The following MTCL1 variants were observed in gnomAD, a reference collection of about 807,000 sequenced individuals.
MTCL1 encodes microtubule crosslinking factor 1.
Under a neutral mutation model 141.4 loss-of-function variants are expected in MTCL1, and 79 were observed. The observed-to-expected ratio is 0.56, with a 90% CI of 0.47 to 0.67. The LOEUF (loss-of-function observed/expected upper bound fraction) is 0.67. MTCL1 is among the 30% of genes least tolerant of loss of function. The pLI, the probability that MTCL1 is intolerant of heterozygous loss-of-function variation, is 0.00. For synonymous variants in MTCL1, 914 were observed against 875.8 expected, an observed-to-expected ratio of 1.04 and a Z score of -0.77; for missense variants, 2,177 against 2,113.9, an observed-to-expected ratio of 1.03 and a Z score of -0.59.
chr18:8,764,909 C>G (rs1341817532), intron 4 of MTCL1, among the ~76,000 whole-genome samples: 1 of 152,182 alleles, frequency 6.6e-6, no homozygotes, highest in Non-Finnish European at 1.5e-5. Flanking sequence ...ACACAGTTAA[C>G]TCTGAGAGGC....
chr18:8,707,090 T>G, intron 1 of MTCL1: 1 of 173,936 alleles, frequency 5.7e-6, no homozygotes, highest in Non-Finnish European at 1.2e-5. Context: ...AGGTGATCCT[T>G]CGCCAGGGAG....
At chr18:8,766,118 A>G (rs1445770824) in intron 4 of MTCL1, among the ~76,000 whole-genome samples, 2 of 151,718 alleles carry the variant, frequency 1.3e-5, no homozygotes, top group Non-Finnish European at 3.0e-5. Context: ...CTGGTCATAG[A>G]TTGGTGTCAT....
Position 8,830,017 on chromosome 18 carries a change from C to T in MTCL1, c.*18+1053C>T, listed in dbSNP as rs1253933466. 1 of 985,526 alleles carries T rather than the reference C, an allele frequency of 1.0e-6. No homozygotes were observed. Among genetic ancestry groups the T allele is most frequent in the Non-Finnish European group, 1.2e-6 (1 of 830,030 alleles). 61.0% of individuals were successfully genotyped at this position (985,526 alleles called of 1,614,324 possible). ...ACGGTGGTGTCAGATAAACCTATGA[C>T]AGCAGCTTCACCAACACACAACACA... On this transcript the variant is annotated intron_variant, in intron 16 of 16. Transcript: ENST00000359865. The surrounding 1 kb of genome is among the most constrained non-coding windows in gnomAD (Gnocchi z 6.4).
upstream of MTCL1, chr18:8,717,336 G>A (rs666299): frequency 0.99 from 150,314 of 152,366 alleles, 74,160 homozygotes; most frequent in Middle Eastern, 1. Flanking sequence ...GTCAGATTAT[G>A]TGATGGAATG....
intron 4 of MTCL1, among the ~76,000 whole-genome samples, chr18:8,758,395 T>C (rs2096413568): frequency 2.0e-5 from 3 of 152,224 alleles, no homozygotes; most frequent in African/African-American, 4.8e-5. Context: ...CATCTAGTCA[T>C]GGCTCACTCC....
intron 4 of MTCL1, among the ~76,000 whole-genome samples, chr18:8,752,685 T>C (rs1041017364): frequency 6.6e-5 from 10 of 152,206 alleles, no homozygotes; most frequent in African/African-American, 2.2e-4. Flanking sequence ...TTGAAAAATA[T>C]TGTCATAAAG....
chr18:8,824,929 G>C lies in MTCL1; in HGVS notation c.3419G>C (p.Arg1140Pro), dbSNP rs376123444. 7.4e-6 allele frequency: 12 copies of C among 1,613,736 alleles called. No homozygotes were observed. The highest frequency in any genetic ancestry group is 4.5e-5 in the East Asian group (2 of 44,882). ...TGGGCCGACAGGACCGAGGTGGGGC[G>C]GGCAGGGCACGAGGACAGCACAGAG... The change falls in exon 15 of 17, where the codon CGG becomes CCG. Residue 1140 changes from arginine to proline, a missense_variant. Arg to Pro is a moderately radical substitution (Grantham distance 103). Coordinates refer to ENST00000359865, the Ensembl canonical transcript of MTCL1.
intron 4 of MTCL1, among the ~76,000 whole-genome samples, chr18:8,758,094 G>A (rs2096411663): frequency 1.3e-5 from 2 of 149,334 alleles, no homozygotes; most frequent in African/African-American, 2.5e-5. Flanking sequence ...GCGCGATCTC[G>A]GCTCACAGCA....
chr18:8,757,597 A>G (rs2096408588), intron 4 of MTCL1, among the ~76,000 whole-genome samples: 1 of 152,244 alleles, frequency 6.6e-6, no homozygotes, highest in South Asian at 2.1e-4. Context: ...AGACCCCGGC[A>G]GGGATCTAGA....
intron 4 of MTCL1, among the ~76,000 whole-genome samples, chr18:8,729,356 A>AT (rs944681283): frequency 2.0e-5 from 3 of 151,312 alleles, no homozygotes; most frequent in Non-Finnish European, 4.4e-5. Context: ...CCTGTTATAT[A>AT]TTTTTTTTCA....
intron 4 of MTCL1, among the ~76,000 whole-genome samples, chr18:8,728,604 T>C (rs1227052475): frequency 1.4e-4 from 21 of 152,134 alleles, no homozygotes; most frequent in Admixed American, 1.4e-3. Context: ...TGGAGAATTC[T>C]CACTCCGAAT....
intron 4 of MTCL1, among the ~76,000 whole-genome samples, chr18:8,753,434 A>G (rs1197935900): frequency 2.0e-5 from 3 of 152,248 alleles, no homozygotes; most frequent in Non-Finnish European, 4.4e-5. Flanking sequence ...CTCCTGGATC[A>G]GAGACAAAGG....
At chr18:8,718,083 GTCAA>G in intron 2 of MTCL1, 3 of 718,594 alleles carry the variant, frequency 4.2e-6, no homozygotes, top group South Asian at 3.2e-5. Context: ...AAAGGCTTAG[GTCAA>G]TGTTTGGTTT....
chr18:8,809,329 C>T (rs977031081), intron 11 of MTCL1: 1 of 1,255,886 alleles, frequency 8.0e-7, no homozygotes, highest in South Asian at 1.5e-5. Flanking sequence ...TAAAATTTAG[C>T]ATGTCCTCCG....
chr18:8,711,952 AGCCGGAGT>A (rs1386364043), intron 1 of MTCL1, among the ~76,000 whole-genome samples: 1 of 152,198 alleles, frequency 6.6e-6, no homozygotes, highest in Non-Finnish European at 1.5e-5. Context: ...CAGTCAGACA[AGCCGGAGT>A]GCTCGTTGTC....
chr18:8,811,530 T>C (rs561961559), intron 11 of MTCL1, among the ~76,000 whole-genome samples: 2 of 151,414 alleles, frequency 1.3e-5, no homozygotes, highest in East Asian at 1.9e-4. Flanking sequence ...TATATATATA[T>C]ACATATATAT....
chr18:8,760,160 G>T (rs998262329), intron 4 of MTCL1, among the ~76,000 whole-genome samples: 15 of 152,196 alleles, frequency 9.9e-5, no homozygotes, highest in African/African-American at 3.6e-4. Flanking sequence ...GCAGGAGGTG[G>T]ACAGTCCCTC....
chr18:8,830,947 A>G lies in MTCL1; in HGVS notation c.*19-660A>G. On this transcript the variant is annotated intron_variant, in intron 16 of 16. Coordinates refer to ENST00000359865, the Ensembl canonical transcript of MTCL1. The surrounding 1 kb of genome is among the most constrained non-coding windows in gnomAD (Gnocchi z 6.4). ...AGGATGCCTGAAACACAAAACCACC[A>G]GTACATTCTGATTCTACCTTTTTAA... The G allele has an allele frequency of 2.0e-6, 2 of 985,744 alleles. No homozygotes were observed. Among genetic ancestry groups the G allele is most frequent in the Non-Finnish European group, 2.4e-6 (2 of 830,168 alleles). The allele number at this position is 985,744 out of a possible 1,614,324, so 61.1% of individuals were successfully genotyped here.
At chr18:8,787,856 G>C (rs141257905) in intron 7 of MTCL1, among the ~76,000 whole-genome samples, 10 of 152,268 alleles carry the variant, frequency 6.6e-5, no homozygotes, top group Admixed American at 2.0e-4. Flanking sequence ...AATCTCCACA[G>C]TGCTTCCTTT....
Sources: gnomAD v4.1 joint callset for allele counts (sites outside exome capture counted in the v4.1 genomes callset) on GRCh38, gnomAD v4.1.1 for gene constraint, Gnocchi (gnomAD v3.1) non-coding constraint, MANE v1.5 for transcripts, NCBI Gene and HGNC (gene_info 2026-07-23, HGNC 2026-07-21) for gene names.